DRICH1: variants seen among roughly 807,000 people sequenced by gnomAD.
The protein encoded by DRICH1 is aspartate-rich protein 1.
DRICH1 carries 38 observed loss-of-function variants against 39.5 expected under a neutral mutation model. That is an observed-to-expected ratio of 0.96 (90% CI 0.74 to 1.26). The LOEUF is 1.26. Among genes scored for constraint, DRICH1 ranks in the 50% most tolerant of loss-of-function variants. The pLI, the probability that DRICH1 is intolerant of heterozygous loss-of-function variation, is 0.00. For missense variants in DRICH1, 279 were observed against 270.4 expected (o/e 1.03, Z -0.22); for synonymous variants, 84 against 99.5 (o/e 0.84, Z 0.93).
At chr22:23,618,095 T>C (rs1166207592) in intron 6 of DRICH1, among the ~76,000 whole-genome samples, 1 of 151,784 alleles carries the variant, frequency 6.6e-6, no homozygotes, top group Non-Finnish European at 1.5e-5. Context: ...AATTACTCTA[T>C]TCTATTGATC....
downstream of DRICH1, among the ~76,000 whole-genome samples, chr22:23,607,487 A>G (rs1382096876): frequency 7.6e-6 from 1 of 131,426 alleles, no homozygotes; most frequent in Non-Finnish European, 1.6e-5. Context: ...CCAGTCACCG[A>G]CCCCCAGAGT....
In DRICH1 at chr22:23,619,597, A is replaced by C. The variant is rs146822543; in HGVS notation, c.407-204T>G. On this transcript the variant is annotated intron_variant, in intron 5 of 11. Transcript: ENST00000317749. ...ATACAGAGCCCAGAATTAAATGCAC[A>C]CATACAGAGTCAGCTGATCTTCAAC... Among the ~76,000 whole-genome samples, 332 of 152,348 alleles carry C rather than the reference A, an allele frequency of 2.2e-3. 4 individuals carry two copies. The highest frequency in any genetic ancestry group is 7.7e-3 in the African/African-American group (321 of 41,580).
intron 6 of DRICH1, among the ~76,000 whole-genome samples, 185 bp downstream of exon 6, chr22:23,619,171 CAAAAAAAA>C (rs5844565): frequency 2.4e-5 from 2 of 84,938 alleles, no homozygotes; most frequent in Non-Finnish European, 4.6e-5. Flanking sequence ...GACTCCGTCT[CAAAAAAAA>C]AAAAAAAAAA....
the DRICH1 span, among the ~76,000 whole-genome samples, chr22:23,596,816 T>C: frequency 3.4e-3 from 516 of 152,356 alleles, 3 homozygotes; most frequent in African/African-American, 0.012. Flanking sequence ...CCATGTGTGC[T>C]TGGGAAGAAT....
intron 4 of DRICH1, among the ~76,000 whole-genome samples, 177 bp downstream of exon 4, chr22:23,621,914 A>G (rs1927759418): frequency 6.6e-6 from 1 of 152,160 alleles, no homozygotes; most frequent in South Asian, 2.1e-4. Flanking sequence ...AACAAAAACA[A>G]AAACAAAACA....
intron 4 of DRICH1, among the ~76,000 whole-genome samples, chr22:23,621,003 G>C (rs1432303331): frequency 6.6e-6 from 1 of 152,182 alleles, no homozygotes; most frequent in East Asian, 1.9e-4. Flanking sequence ...CATCCTCACA[G>C]AGAGAACTGT....
At chr22:23,583,092 G>A in the DRICH1 span, 5 of 152,380 alleles carry the variant, frequency 3.3e-5, no homozygotes, top group South Asian at 2.1e-4. Context: ...ACTGTTCAAC[G>A]GGAGGGATGG....
chr22:23,616,937 G>C, intron 7 of DRICH1, 63 bp from the exon 8 acceptor site: 2 of 1,575,186 alleles, frequency 1.3e-6, no homozygotes, highest in Admixed American at 1.7e-5. Flanking sequence ...CCCTTACACA[G>C]ATCTGTTAGT....
At chr22:23,625,179 TTGA>T (rs1393218360) in intron 2 of DRICH1, among the ~76,000 whole-genome samples, 1 of 152,160 alleles carries the variant, frequency 6.6e-6, no homozygotes, top group Non-Finnish European at 1.5e-5. Context: ...TGCATTACAG[TTGA>T]TGATGGATGC....
In DRICH1 at chr22:23,616,751, C is replaced by T; in HGVS notation, c.541+102G>A. ...ACACTTGCAGAATCATTTGCTCTCA[C>T]CACACCCCCAATATTTTTTAACAGG... On this transcript the variant is annotated intron_variant, in intron 8 of 11. Transcript: ENST00000317749. 8 of 1,472,594 alleles carry T rather than the reference C, an allele frequency of 5.4e-6. No homozygotes were observed. The South Asian group carries it at 5.7e-5, about 10-fold the overall frequency. The allele number at this position is 1,472,594 out of a possible 1,614,324, so 91.2% of individuals were successfully genotyped here. A position where few individuals can be genotyped will look rare whatever the true frequency, so the allele number is the denominator to read the frequency against.
In DRICH1 at chr22:23,614,142, T is replaced by C; in HGVS notation, c.614A>G (p.Asp205Gly). The C allele has an allele frequency of 6.2e-7, 1 of 1,610,492 alleles. No individual in the cohort carries two copies. Among genetic ancestry groups the C allele is most frequent in the South Asian group, 1.1e-5 (1 of 90,982 alleles). ...HKDEEEEDDDDIHITARIESD... is the reference protein window; with the variant it reads ...HKDEEEEDDDGIHITARIESD... ...AAAAAAGGGAGGTCTTACGTGGATG[T>C]CATCATCATCTTCTTCTTCTTCATC... Residue 205 changes from aspartate to glycine, a missense_variant, in exon 9 of 12, where the codon GAC becomes GGC. Physicochemically the swap from Asp to Gly is moderately conservative, Grantham distance 94 (BLOSUM62 -1). Coordinates refer to ENST00000317749, the MANE Select transcript of DRICH1 (RefSeq NM_016449.4).
At chr22:23,590,133 C>T in the DRICH1 span, among the ~76,000 whole-genome samples, 3 of 152,254 alleles carry the variant, frequency 2.0e-5, no homozygotes, top group South Asian at 6.2e-4. Context: ...CGGGAAGCAC[C>T]TTCTGTTTGT....
At chr22:23,586,836 C>A in the DRICH1 span, among the ~76,000 whole-genome samples, 3 of 152,156 alleles carry the variant, frequency 2.0e-5, no homozygotes, top group African/African-American at 7.2e-5. Context: ...TGAGCCACTG[C>A]GTCCAGCCGA....
chr22:23,587,117 G>A, the DRICH1 span, among the ~76,000 whole-genome samples: 66 of 152,294 alleles, frequency 4.3e-4, no homozygotes, highest in African/African-American at 1.3e-3. Flanking sequence ...CAGTTTAGTC[G>A]CATCTCTATG....
At chr22:23,627,368 C>T (rs775043654) in intron 1 of DRICH1, among the ~76,000 whole-genome samples, 4 of 152,040 alleles carry the variant, frequency 2.6e-5, no homozygotes, top group East Asian at 1.9e-4. Context: ...CCACCACGCC[C>T]GGCCCTGAAC....
chr22:23,613,558 C>T (rs1317890767), intron 10 of DRICH1, 81 bp downstream of exon 10: 2 of 1,135,972 alleles, frequency 1.8e-6, no homozygotes, highest in South Asian at 1.2e-5. Context: ...TCTTTCCCAG[C>T]AGGACCCCAG....
chr22:23,588,999 T>A, the DRICH1 span, among the ~76,000 whole-genome samples: 1 of 151,860 alleles, frequency 6.6e-6, no homozygotes, highest in Non-Finnish European at 1.5e-5. Context: ...TAGGCTCATA[T>A]AACCCAAACA....
intron 4 of DRICH1, among the ~76,000 whole-genome samples, chr22:23,621,698 G>C (rs2123784294): frequency 6.6e-6 from 1 of 152,306 alleles, no homozygotes; most frequent in South Asian, 2.1e-4. Context: ...TGGATTACCT[G>C]CGGTCAGGAG....
chr22:23,597,746 AGCTCAGGGTGTGGGAAGGCAGCCAGGGGG>A, the DRICH1 span, among the ~76,000 whole-genome samples: 1 of 150,400 alleles, frequency 6.6e-6, no homozygotes, highest in African/African-American at 2.5e-5. Flanking sequence ...CCCAAGGTGG[AGCTCAGGGTGTGGGAAGGCAGCCAGGGGG>A]CAGCATCAGG....
Sources: allele counts gnomAD v4.1 joint callset (sites outside exome capture counted in the v4.1 genomes callset), GRCh38; gene constraint gnomAD v4.1.1; transcripts MANE v1.5; gene names NCBI Gene and HGNC (gene_info 2026-07-23, HGNC 2026-07-21).